Variants in FGF7 observed in about 807,000 individuals in gnomAD.
FGF7 encodes the protein FGF-7.
Under a neutral mutation model 20.5 loss-of-function variants are expected in FGF7, and 6 were observed. The observed-to-expected ratio is 0.29, with a 90% CI of 0.16 to 0.58. FGF7 has a LOEUF of 0.58. Ranked by LOEUF, FGF7 falls within the 20% of genes least tolerant of loss-of-function variation. The pLI, the probability that FGF7 is intolerant of heterozygous loss-of-function variation, is 0.90. For synonymous variants in FGF7, 64 were observed against 74.7 expected (o/e 0.86, Z 0.74); for missense variants, 144 against 228.8 (o/e 0.63, Z 2.39).
At chr15:49,446,780 T>C (rs908784575) in intron 2 of FGF7, among the ~76,000 whole-genome samples, 1 of 151,206 alleles carries the variant, frequency 6.6e-6, no homozygotes, top group African/African-American at 2.4e-5. Context: ...AAAGAGAAGA[T>C]AGCACAAAAC....
At chr15:49,463,326 G>A (rs2053970321) in intron 2 of FGF7, among the ~76,000 whole-genome samples, 1 of 152,122 alleles carries the variant, frequency 6.6e-6, no homozygotes. Flanking sequence ...GGCTGAGGTG[G>A]GTGGATCACC....
chr15:49,449,358 A>G (rs1331238854), intron 2 of FGF7, among the ~76,000 whole-genome samples: 3 of 152,178 alleles, frequency 2.0e-5, no homozygotes, highest in Middle Eastern at 3.4e-3. Flanking sequence ...TAGGACAGTG[A>G]TTTTAGTATA....
rs1398344408 is a variant in FGF7 at position 49,488,424 on chromosome 15, A to T, written c.*3920A>T. ...AATTTACTTTCTCTTGAGTTGAAAA[A>T]CTTGACAGGAAGCAAGAAATAATAC... On this transcript the variant is annotated 3_prime_UTR_variant, in exon 4 of 4. Transcript: ENST00000267843. 1 of 151,872 alleles carries T rather than the reference A, an allele frequency of 6.6e-6. No homozygotes were observed. Among genetic ancestry groups the T allele is most frequent in the African/African-American group, 2.4e-5 (1 of 41,386 alleles). The allele number at this position is 151,872 out of a possible 1,614,324, so 9.4% of individuals were successfully genotyped here.
intron 2 of FGF7, among the ~76,000 whole-genome samples, chr15:49,447,542 T>C (rs2052337628): frequency 6.6e-6 from 1 of 151,710 alleles, no homozygotes. Flanking sequence ...TGGTAGCATA[T>C]GCGTTGATGT....
rs750542977 is a variant in FGF7 at position 49,483,137 on chromosome 15, G to A, written c.287-14G>A. The A allele has an allele frequency of 1.3e-5, 18 of 1,394,418 alleles. No individual in the cohort carries two copies. In the South Asian group the frequency reaches 1.7e-4, roughly 13 times the overall value. 86.4% of individuals were successfully genotyped at this position (1,394,418 alleles called of 1,614,324 possible). On this transcript the variant is annotated splice_polypyrimidine_tract_variant and intron_variant, in intron 2 of 3. Coordinates refer to ENST00000267843, the MANE Select transcript of FGF7 (RefSeq NM_002009.4). ...GAACGAATATTTGACATGTCTTTCT[G>A]TGATTCCTTGCAGATATCATGGAAA...
At position 49,440,512 on chromosome 15, in the gene FGF7, T is replaced by A. The variant is rs114078034; in HGVS notation, c.286+15929T>A. ...GAAACTACTTAATGTCCTATTTACA[T>A]AAAATTATCTAAAATGAACATATTG... On this transcript the variant is annotated intron_variant, in intron 2 of 3. Coordinates refer to ENST00000267843, the MANE Select transcript of FGF7 (RefSeq NM_002009.4). 7.0e-3 allele frequency among the ~76,000 whole-genome samples: 1,061 copies of A among 151,866 alleles called. 17 individuals are homozygous for A. The highest frequency in any genetic ancestry group is 0.025 in the African/African-American group (1,022 of 41,498).
rs1462969318 is a variant in FGF7 at position 49,424,534 on chromosome 15, C to A, written c.237C>A (p.Ile79=). 8 of 1,601,596 alleles carry A rather than the reference C, an allele frequency of 5.0e-6. No individual in the cohort carries two copies. Among genetic ancestry groups the A allele is most frequent in the Non-Finnish European group, 6.0e-6 (7 of 1,172,138 alleles). ...LFCRTQWYLR[I]DKRGKVKGTQ... is the part of the protein sequence containing the mutation. ...GTCGAACACAGTGGTACCTGAGGAT[C>A]GATAAAAGAGGCAAAGTAAAAGGGA... is the stretch of plus-strand genomic sequence containing the variant. The change falls in exon 2 of 4, where the codon ATC becomes ATA. Residue 79 remains isoleucine, a synonymous_variant. Coordinates refer to ENST00000267843, the MANE Select transcript of FGF7 (RefSeq NM_002009.4).
chr15:49,483,002 T>G (rs1481222677), intron 2 of FGF7, 149 bp from the exon 3 acceptor site: 8 of 650,784 alleles, frequency 1.2e-5, no homozygotes, highest in African/African-American at 1.1e-4. Flanking sequence ...GTGTATCTGT[T>G]GTGGGTCAGG....
At chr15:49,466,551 T>C (rs764888461) in intron 2 of FGF7, among the ~76,000 whole-genome samples, 1 of 152,184 alleles carries the variant, frequency 6.6e-6, no homozygotes, top group Non-Finnish European at 1.5e-5. Flanking sequence ...CCACTGAAAC[T>C]TTTGAAGCAG....
intron 2 of FGF7, among the ~76,000 whole-genome samples, chr15:49,468,157 G>T (rs906525585): frequency 6.6e-6 from 1 of 151,948 alleles, no homozygotes; most frequent in Non-Finnish European, 1.5e-5. Flanking sequence ...ATTATTTTTG[G>T]TTAACCAGAC....
At chr15:49,444,644 GAACCTTCTTAGCCT>G (rs1269622798) in intron 2 of FGF7, among the ~76,000 whole-genome samples, 1 of 151,644 alleles carries the variant, frequency 6.6e-6, no homozygotes, top group African/African-American at 2.4e-5. Context: ...GTTGAATCAG[GAACCTTCTTAGCCT>G]AATATTCTGC....
At chr15:49,474,815 C>T (rs1200110909) in intron 2 of FGF7, among the ~76,000 whole-genome samples, 3 of 152,082 alleles carry the variant, frequency 2.0e-5, no homozygotes, top group African/African-American at 4.8e-5. Flanking sequence ...ATCTAGGTTG[C>T]GTGCTCCGTA....
chr15:49,446,721 T>C (rs1374632498), intron 2 of FGF7, among the ~76,000 whole-genome samples: 1 of 151,574 alleles, frequency 6.6e-6, no homozygotes, highest in Non-Finnish European at 1.5e-5. Flanking sequence ...AACACAGACC[T>C]AGTGAACAGA....
intron 2 of FGF7, among the ~76,000 whole-genome samples, chr15:49,480,675 G>T (rs1567362065): frequency 5.3e-5 from 8 of 152,072 alleles, no homozygotes. Flanking sequence ...TAGAAACGGG[G>T]TTTCGCCATG....
chr15:49,487,079 T>C lies in FGF7; in HGVS notation c.*2575T>C, dbSNP rs58284238. On this transcript the variant is annotated 3_prime_UTR_variant, in exon 4 of 4. Coordinates refer to ENST00000267843, the MANE Select transcript of FGF7 (RefSeq NM_002009.4). ...TTTGTTTTTTATTTCTGTTGAGATATAGCCTTTACATTTGTACACAAATGT... is the reference window on the plus strand; with the variant it reads ...TTTGTTTTTTATTTCTGTTGAGATACAGCCTTTACATTTGTACACAAATGT... The C allele has an allele frequency of 0.32, 49,256 of 151,744 alleles. 8,725 individuals carry two copies. Among genetic ancestry groups the C allele is most frequent in the African/African-American group, 0.45 (18,733 of 41,406 alleles). The allele number at this position is 151,744 out of a possible 1,614,324, so 9.4% of individuals were successfully genotyped here. A position where few individuals can be genotyped will look rare whatever the true frequency, so the allele number is the denominator to read the frequency against.
chr15:49,451,391 A>G (rs912166613), intron 2 of FGF7, among the ~76,000 whole-genome samples: 48 of 152,062 alleles, frequency 3.2e-4, no homozygotes, highest in Non-Finnish European at 6.6e-4. Flanking sequence ...TGAATAGTAT[A>G]TATTTTTAAG....
At chr15:49,430,247 T>G (rs2050481584) in intron 2 of FGF7, among the ~76,000 whole-genome samples, 1 of 151,924 alleles carries the variant, frequency 6.6e-6, no homozygotes. Context: ...TACCACAGCC[T>G]CACAATGACA....
At chr15:49,467,825 C>A (rs527368192) in intron 2 of FGF7, among the ~76,000 whole-genome samples, 2 of 152,158 alleles carry the variant, frequency 1.3e-5, no homozygotes, top group South Asian at 2.1e-4. Flanking sequence ...AAAGGTGGGT[C>A]CCTTGCATTC....
chr15:49,444,777 A>G (rs932474867), intron 2 of FGF7, among the ~76,000 whole-genome samples: 2 of 151,716 alleles, frequency 1.3e-5, no homozygotes, highest in African/African-American at 2.4e-5. Flanking sequence ...GCATGAATCT[A>G]TCATTCAAGA....
Sources: allele counts gnomAD v4.1 joint callset (sites outside exome capture counted in the v4.1 genomes callset), GRCh38; gene constraint gnomAD v4.1.1; transcripts MANE v1.5; gene names NCBI Gene and HGNC (gene_info 2026-07-23, HGNC 2026-07-21).